ZYG11A: variants seen among roughly 807,000 people sequenced by gnomAD.
The protein encoded by ZYG11A is protein zyg-11 homolog A.
ZYG11A carries 62 observed loss-of-function variants against 77.2 expected under a neutral mutation model. That is an observed-to-expected ratio of 0.80 (90% CI 0.65 to 0.99). The LOEUF (loss-of-function observed/expected upper bound fraction) is 0.99. ZYG11A is among the 50% of genes least tolerant of loss of function. The pLI, the probability that ZYG11A is intolerant of heterozygous loss-of-function variation, is 0.00. For synonymous variants in ZYG11A, 315 were observed against 324.6 expected (o/e 0.97, Z 0.32); for missense variants, 828 against 896.8 (o/e 0.92, Z 0.98).
intron 4 of ZYG11A, among the ~76,000 whole-genome samples, chr1:52,861,117 T>C (rs1307504868): frequency 1.3e-5 from 2 of 152,188 alleles, no homozygotes; most frequent in Non-Finnish European, 2.9e-5. Context: ...AATAGGATCA[T>C]GTGGCTTTCT....
chr1:52,859,188 A>G (rs1381228889), intron 3 of ZYG11A, among the ~76,000 whole-genome samples: 3 of 151,568 alleles, frequency 2.0e-5, no homozygotes, highest in Non-Finnish European at 4.4e-5. Context: ...TTTTTGGGAC[A>G]GTCGAGTCCT....
chr1:52,856,779 G>A (rs1645820565), intron 2 of ZYG11A, among the ~76,000 whole-genome samples: 1 of 152,152 alleles, frequency 6.6e-6, no homozygotes, highest in African/African-American at 2.4e-5. Context: ...AGTTTCCTCA[G>A]CTACATAGTA....
At chr1:52,870,116 G>A (rs1246311715) in intron 8 of ZYG11A, among the ~76,000 whole-genome samples, 2 of 148,036 alleles carry the variant, frequency 1.4e-5, no homozygotes, top group African/African-American at 4.9e-5. Context: ...GGGGCGGCGG[G>A]GCAGAGGCTC....
chr1:52,842,827 A>ATCCGGGC lies in ZYG11A; in HGVS notation c.-51_-45dup. The ATCCGGGC allele has an allele frequency of 6.7e-7, 1 of 1,493,814 alleles. No homozygotes were observed. Among genetic ancestry groups the ATCCGGGC allele is most frequent in the Non-Finnish European group, 9.0e-7 (1 of 1,110,700 alleles). The allele number at this position is 1,493,814 out of a possible 1,614,324, so 92.5% of individuals were successfully genotyped here. ...CAGCCGCCCGCTTGGTTCTCGCGGG[A>ATCCGGGC]TCCGGGCTCCGGCTCGACGCCGGCT... is the stretch of plus-strand genomic sequence containing the variant. On this transcript the variant is annotated 5_prime_UTR_variant, in exon 1 of 14. Transcript: ENST00000371528.
chr1:52,866,898 C>T (rs1646037325), intron 6 of ZYG11A, among the ~76,000 whole-genome samples: 1 of 152,016 alleles, frequency 6.6e-6, no homozygotes, highest in African/African-American at 2.4e-5. Flanking sequence ...TACTTAATTC[C>T]TAGTTTAAGT....
In ZYG11A at chr1:52,854,339, T is replaced by A. The variant is rs575924013; in HGVS notation, c.91-126T>A. ...GGTGGTTTCGTTACATATAAATCAT[T>A]ACTAGAGTATGAAGGATGTATCTTC... is the stretch of plus-strand genomic sequence containing the variant. On this transcript the variant is annotated intron_variant, in intron 1 of 13. Transcript: ENST00000371528. 4.3e-4 allele frequency: 376 copies of A among 868,062 alleles called. 2 individuals are homozygous for A. Among genetic ancestry groups the A allele is most frequent in the Middle Eastern group, 3.0e-3 (8 of 2,658 alleles). The allele number at this position is 868,062 out of a possible 1,614,324, so 53.8% of individuals were successfully genotyped here.
intron 8 of ZYG11A, 47 bp downstream of exon 8, chr1:52,867,824 TTTATGA>T (rs763516164): frequency 4.8e-6 from 7 of 1,461,094 alleles, no homozygotes; most frequent in Non-Finnish European, 6.5e-6. Context: ...AAAAGTCAAA[TTTATGA>T]TTATAGCTTA....
At chr1:52,886,670 C>CT (rs1175041661) in intron 12 of ZYG11A, among the ~76,000 whole-genome samples, 1 of 148,968 alleles carries the variant, frequency 6.7e-6, no homozygotes, top group Non-Finnish European at 1.5e-5. Flanking sequence ...CCACTTGGCC[C>CT]TACAGGCGTG....
At chr1:52,846,922 A>G (rs1645597687) in intron 1 of ZYG11A, among the ~76,000 whole-genome samples, 2 of 140,898 alleles carry the variant, frequency 1.4e-5, no homozygotes, top group East Asian at 4.2e-4. Context: ...ATGTCAGCTC[A>G]CTGCAAGCTC....
intron 8 of ZYG11A, 52 bp downstream of exon 8, chr1:52,867,829 G>C: frequency 7.0e-7 from 1 of 1,427,520 alleles, no homozygotes; most frequent in Non-Finnish European, 9.5e-7. Flanking sequence ...TCAAATTTAT[G>C]ATTATAGCTT....
rs1182719295 is a variant in ZYG11A, at chr1:52,893,808, C to CTTTTT, written c.*868_*872dup. The stretch of plus-strand genomic sequence containing the variant: ...AGAAAAGAGAAATATATTTTTTTAC[C>CTTTTT]TTTTTTTTTTTTTTTTTTTTTGTGA... On this transcript the variant is annotated 3_prime_UTR_variant, in exon 14 of 14. Coordinates refer to ENST00000371528, the MANE Select transcript of ZYG11A (RefSeq NM_001004339.3). 12 of 110,978 alleles carry CTTTTT rather than the reference C, an allele frequency of 1.1e-4. No homozygotes were observed. The highest frequency in any genetic ancestry group is 1.2e-4 in the African/African-American group (3 of 24,108). The allele number at this position is 110,978 out of a possible 1,614,324, so 6.9% of individuals were successfully genotyped here.
At chr1:52,851,693 C>G (rs1645714669) in intron 1 of ZYG11A, among the ~76,000 whole-genome samples, 2 of 151,986 alleles carry the variant, frequency 1.3e-5, no homozygotes, top group Admixed American at 1.3e-4. Flanking sequence ...AGCCACCATG[C>G]CCGGCACACA....
intron 8 of ZYG11A, among the ~76,000 whole-genome samples, chr1:52,877,213 T>C (rs2150014447): frequency 6.6e-6 from 1 of 152,310 alleles, no homozygotes; most frequent in East Asian, 1.9e-4. Context: ...ATATTATCTT[T>C]GTATGGAGGC....
intron 8 of ZYG11A, among the ~76,000 whole-genome samples, chr1:52,869,516 C>A (rs1571861769): frequency 6.6e-6 from 1 of 151,698 alleles, no homozygotes; most frequent in Admixed American, 6.6e-5. Flanking sequence ...ATCCATTTAA[C>A]CCTGAGTGGA....
At position 52,857,658 on chromosome 1, in the gene ZYG11A, T is replaced by C. The variant is rs1377440169; in HGVS notation, c.917T>C (p.Phe306Ser). The C allele has an allele frequency of 3.2e-6, 5 of 1,552,200 alleles. No homozygotes were observed. The East Asian group carries it at 1.2e-4, about 38-fold the overall frequency. ...ATCACTGATGAAGCTGTAGAACTGT[T>C]TATACGACTGCGGCCTGCCATGCAA... The part of the protein sequence containing the change: ...NCITDEAVEL[F>S]IRLRPAMQFV... The change falls in exon 3 of 14, where the codon TTT becomes TCT. Residue 306 changes from phenylalanine to serine, a missense_variant. By Grantham distance (155) the Phe-to-Ser change is radical (BLOSUM62 -2). Coordinates refer to ENST00000371528, the MANE Select transcript of ZYG11A (RefSeq NM_001004339.3).
At chr1:52,884,583 A>G (rs1646415852) in intron 11 of ZYG11A, among the ~76,000 whole-genome samples, 1 of 150,930 alleles carries the variant, frequency 6.6e-6, no homozygotes, top group Non-Finnish European at 1.5e-5. Flanking sequence ...GAACTCAGGA[A>G]GCAGAGGTTA....
intron 8 of ZYG11A, among the ~76,000 whole-genome samples, chr1:52,875,214 CAA>C (rs1408276871): frequency 1.3e-5 from 2 of 152,106 alleles, no homozygotes. Flanking sequence ...TTGGATTTGA[CAA>C]GAGGAAGTCA....
At chr1:52,847,021 T>C (rs1645599849) in intron 1 of ZYG11A, among the ~76,000 whole-genome samples, 2 of 152,012 alleles carry the variant, frequency 1.3e-5, no homozygotes, top group South Asian at 4.1e-4. Context: ...CTAATTTTTG[T>C]ATTTTTAGTA....
At position 52,877,685 on chromosome 1, in the gene ZYG11A, C is replaced by A. The variant is rs1444656993; in HGVS notation, c.1546C>A (p.Leu516Ile). 9.7e-6 allele frequency: 15 copies of A among 1,546,744 alleles called. No homozygotes were observed. Among genetic ancestry groups the A allele is most frequent in the Non-Finnish European group, 1.3e-5 (15 of 1,145,580 alleles). The change falls in exon 9 of 14, where the codon CTT becomes ATT. Residue 516 changes from leucine to isoleucine, a missense_variant. Transcript: ENST00000371528. Reference protein sequence around the residue: ...LEELFMAVKELLAIVKQKTTE... With the variant: ...LEELFMAVKEILAIVKQKTTE... ...TCCCTGTCTCTTTGGTTTTTAGGAACTTCTAGCAATAGTAAAACAAAAGAC... is the reference window on the plus strand; with the variant it reads ...TCCCTGTCTCTTTGGTTTTTAGGAAATTCTAGCAATAGTAAAACAAAAGAC...
Sources: gnomAD v4.1 joint callset for allele counts (sites outside exome capture counted in the v4.1 genomes callset) on GRCh38, gnomAD v4.1.1 for gene constraint, MANE v1.5 for transcripts, NCBI Gene and HGNC (gene_info 2026-07-23, HGNC 2026-07-21) for gene names.